The following EXOC6B variants were observed in gnomAD, a reference collection of about 807,000 sequenced individuals.
EXOC6B encodes the protein exocyst complex component 6B.
In EXOC6B, 54 loss-of-function variants were observed where a neutral mutation model predicts 113.5. The ratio of observed to expected loss-of-function variants is 0.48; its 90% CI spans 0.38 to 0.60. EXOC6B has a LOEUF of 0.60. EXOC6B is among the 20% of genes least tolerant of loss of function. The pLI is 0.00. For synonymous variants in EXOC6B, 357 were observed against 339.0 expected, an observed-to-expected ratio of 1.05 and a Z score of -0.58; for missense variants, 797 against 977.5, an observed-to-expected ratio of 0.82 and a Z score of 2.46.
intron 20 of EXOC6B, among the ~76,000 whole-genome samples, chr2:72,322,857 T>TTAAGTTATGACCTAAAAGCA (rs1687913853): frequency 1.3e-5 from 2 of 152,132 alleles, no homozygotes; most frequent in Admixed American, 1.3e-4. Context: ...GATTAAAGAC[T>TTAAGTTATGACCTAAAAGCA]TAAATGTAAG....
At chr2:72,534,379 A>T (rs776844518) in intron 8 of EXOC6B, among the ~76,000 whole-genome samples, 1 of 152,146 alleles carries the variant, frequency 6.6e-6, no homozygotes, top group Non-Finnish European at 1.5e-5. Context: ...GCCACAGGGG[A>T]TAAGTACTTT....
chr2:72,458,939 A>G (rs1336647130), intron 18 of EXOC6B, among the ~76,000 whole-genome samples: 3 of 152,138 alleles, frequency 2.0e-5, no homozygotes, highest in African/African-American at 7.2e-5. Context: ...CTTGAGGTGG[A>G]AAACAATTAT....
chr2:72,447,733 T>C (rs1696671185), intron 18 of EXOC6B, among the ~76,000 whole-genome samples: 1 of 152,198 alleles, frequency 6.6e-6, no homozygotes, highest in Non-Finnish European at 1.5e-5. Flanking sequence ...ACTTTGGTCA[T>C]GGGATTTGAT....
At chr2:72,502,554 A>G (rs973791430) in intron 11 of EXOC6B, among the ~76,000 whole-genome samples, 1 of 152,210 alleles carries the variant, frequency 6.6e-6, no homozygotes, top group Non-Finnish European at 1.5e-5. Context: ...TATCAAAAAT[A>G]TAAATAAAAA....
At chr2:72,312,597 A>C (rs1687261476) in intron 20 of EXOC6B, among the ~76,000 whole-genome samples, 1 of 152,062 alleles carries the variant, frequency 6.6e-6, no homozygotes, top group Admixed American at 6.5e-5. Context: ...ATCAAAGTGA[A>C]ATACAAAAAT....
At chr2:72,382,594 T>C (rs1007484225) in intron 18 of EXOC6B, among the ~76,000 whole-genome samples, 2 of 152,308 alleles carry the variant, frequency 1.3e-5, no homozygotes, top group South Asian at 2.1e-4. Context: ...AGGAGCAGCA[T>C]TGAATCTGTA....
chr2:72,231,422 C>A (rs1304113300), intron 20 of EXOC6B, among the ~76,000 whole-genome samples: 1 of 151,982 alleles, frequency 6.6e-6, no homozygotes, highest in African/African-American at 2.4e-5. Context: ...GATTGTGAAT[C>A]AGAATCAGAA....
chr2:72,747,214 T>C (rs1681759599), intron 1 of EXOC6B, among the ~76,000 whole-genome samples: 1 of 152,084 alleles, frequency 6.6e-6, no homozygotes, highest in African/African-American at 2.4e-5. Context: ...AATTAGTCTG[T>C]AAACCAATCA....
chr2:72,562,547 G>T (rs1470185064), intron 7 of EXOC6B, among the ~76,000 whole-genome samples: 2 of 152,116 alleles, frequency 1.3e-5, no homozygotes, highest in East Asian at 3.8e-4. Flanking sequence ...ACTTTCTAAT[G>T]GTTTCTGTCT....
intron 6 of EXOC6B, among the ~76,000 whole-genome samples, chr2:72,704,874 T>C (rs561114364): frequency 9.3e-5 from 14 of 151,142 alleles, no homozygotes; most frequent in Non-Finnish European, 1.8e-4. Context: ...ACCAGATGGA[T>C]TCACAGCCGA....
At chr2:72,420,854 C>A (rs748937443) in intron 18 of EXOC6B, among the ~76,000 whole-genome samples, 2 of 152,218 alleles carry the variant, frequency 1.3e-5, no homozygotes, top group Non-Finnish European at 2.9e-5. Context: ...CTCCCACCAA[C>A]AACGTAAAAG....
intron 17 of EXOC6B, among the ~76,000 whole-genome samples, chr2:72,478,460 A>G (rs1698883399): frequency 6.6e-6 from 1 of 152,228 alleles, no homozygotes; most frequent in Non-Finnish European, 1.5e-5. Context: ...TATAATTGCC[A>G]TGTTTATATT....
At chr2:72,459,114 A>T (rs1454938500) in intron 18 of EXOC6B, among the ~76,000 whole-genome samples, 1 of 152,214 alleles carries the variant, frequency 6.6e-6, no homozygotes, top group East Asian at 1.9e-4. Context: ...CCACATGATT[A>T]TCTCAATAGA....
At chr2:72,244,178 C>A (rs1682507238) in intron 20 of EXOC6B, among the ~76,000 whole-genome samples, 1 of 152,056 alleles carries the variant, frequency 6.6e-6, no homozygotes, top group South Asian at 2.1e-4. Context: ...CAGATTTAAA[C>A]AAGTAGAAAT....
At chr2:72,393,300 T>C (rs1169393346) in intron 18 of EXOC6B, among the ~76,000 whole-genome samples, 2 of 152,082 alleles carry the variant, frequency 1.3e-5, no homozygotes, top group Admixed American at 6.6e-5. Context: ...TTCACCATAT[T>C]GGCCAGGCTG....
chr2:72,571,982 A>T (rs918600190), intron 7 of EXOC6B, among the ~76,000 whole-genome samples: 7 of 152,238 alleles, frequency 4.6e-5, no homozygotes, highest in African/African-American at 2.4e-5. Flanking sequence ...AAGGGTAAAA[A>T]GTTCTTCACA....
chr2:72,404,345 C>G (rs1693572499), intron 18 of EXOC6B, among the ~76,000 whole-genome samples: 1 of 152,168 alleles, frequency 6.6e-6, no homozygotes. Context: ...CCTGTCTGAC[C>G]ACTTTGAAGA....
chr2:72,322,153 CA>C (rs2104832376), intron 20 of EXOC6B, among the ~76,000 whole-genome samples: 1 of 152,062 alleles, frequency 6.6e-6, no homozygotes, highest in South Asian at 2.1e-4. Flanking sequence ...CATAATAGCC[CA>C]AACTGGAAAG....
chr2:72,216,536 G>A (rs1278762093), intron 20 of EXOC6B, among the ~76,000 whole-genome samples: 2 of 152,138 alleles, frequency 1.3e-5, no homozygotes, highest in African/African-American at 4.8e-5. Flanking sequence ...ATTTGACCCA[G>A]TAATCCCATT....
Sources: allele counts gnomAD v4.1 joint callset (sites outside exome capture counted in the v4.1 genomes callset), GRCh38; gene constraint gnomAD v4.1.1; transcripts MANE v1.5; gene names NCBI Gene and HGNC (gene_info 2026-07-23, HGNC 2026-07-21).